LPGAT1: variants seen among roughly 807,000 people sequenced by gnomAD.
LPGAT1 encodes lysophosphatidylglycerol acyltransferase 1.
A neutral mutation model predicts 47.5 loss-of-function variants in LPGAT1; 11 were observed. That is an observed-to-expected ratio of 0.23 (90% confidence interval 0.15 to 0.38). The LOEUF (loss-of-function observed/expected upper bound fraction) is 0.38. Among genes scored for constraint, LPGAT1 ranks in the 10% least tolerant of loss-of-function variants. The pLI, the probability that LPGAT1 is intolerant of heterozygous loss-of-function variation, is 1.00. For synonymous variants in LPGAT1, 138 were observed against 144.2 expected (o/e 0.96, Z 0.31); for missense variants, 293 against 439.0 (o/e 0.67, Z 2.97).
intron 2 of LPGAT1, among the ~76,000 whole-genome samples, chr1:211,807,756 T>C (rs913541051): frequency 6.6e-6 from 1 of 152,122 alleles, no homozygotes; most frequent in Non-Finnish European, 1.5e-5. Flanking sequence ...ATCACAGAGA[T>C]GTATGTAAAA....
chr1:211,778,437 C>G lies in LPGAT1; in HGVS notation c.854+481G>C, dbSNP rs576682262. ...ATCAAGAAAGAACCATAAAAATGGG[C>G]AACCAGCAGCCCCCAGGGCTGTTCT... On this transcript the variant is annotated intron_variant, in intron 6 of 7. Coordinates refer to ENST00000366997, the MANE Select transcript of LPGAT1 (RefSeq NM_014873.3). 5.9e-4 allele frequency among the ~76,000 whole-genome samples: 89 copies of G among 151,798 alleles called. 1 individual carries two copies. The highest frequency in any genetic ancestry group is 2.0e-3 in the African/African-American group (82 of 41,386).
intron 2 of LPGAT1, among the ~76,000 whole-genome samples, chr1:211,811,593 C>T (rs1178490005): frequency 6.6e-6 from 1 of 152,128 alleles, no homozygotes; most frequent in African/African-American, 2.4e-5. Context: ...TCCGTCTCTA[C>T]AAAAAATACA....
At chr1:211,776,399 T>C (rs1658401554) in intron 6 of LPGAT1, among the ~76,000 whole-genome samples, 1 of 152,086 alleles carries the variant, frequency 6.6e-6, no homozygotes, top group Non-Finnish European at 1.5e-5. Flanking sequence ...TAGCCAGGCA[T>C]GGTGGTATGT....
At chr1:211,783,769 C>A (rs12126561) in intron 4 of LPGAT1, among the ~76,000 whole-genome samples, 6 of 152,080 alleles carry the variant, frequency 3.9e-5, no homozygotes, top group African/African-American at 1.4e-4. Flanking sequence ...TCAATTCAGT[C>A]ACTACTTACT....
In LPGAT1 at chr1:211,830,376, C is replaced by T; in HGVS notation, c.-28+197G>A. The stretch of plus-strand genomic sequence containing the variant: ...GGGACTCAGAGGCCGGACCTGTCAC[C>T]CGGGCGGGTCCCGGGGAGGCGGGCG... On this transcript the variant is annotated intron_variant, in intron 1 of 7. Transcript: ENST00000366997. This position sits in a 1 kb window ranked among gnomAD's most constrained non-coding sequence, Gnocchi z 5.9. The T allele has an allele frequency of 1.7e-6, 2 of 1,166,278 alleles. No individual in the cohort carries two copies. The highest frequency in any genetic ancestry group is 1.1e-6 in the Non-Finnish European group (1 of 946,102). 72.2% of individuals were successfully genotyped at this position (1,166,278 alleles called of 1,614,324 possible).
chr1:211,793,077 C>T lies in LPGAT1; in HGVS notation c.352G>A (p.Gly118Arg). ...CTLMMCLQDK[G>R]LVVAQMMWLM... Reference sequence around the variant, plus strand: ...CTGCCTTCAGGGTAGCTTACCAGTCCTTTGTCCTGGAGGCACATCATCAGT... The same window carrying T: ...CTGCCTTCAGGGTAGCTTACCAGTCTTTTGTCCTGGAGGCACATCATCAGT... The change falls in exon 3 of 8, where the codon GGA (glycine) becomes AGA (arginine). Residue 118 changes from glycine to arginine, a missense_variant. Transcript: ENST00000366997. 2 of 1,590,084 alleles carry T rather than the reference C, an allele frequency of 1.3e-6. No homozygotes were observed. The highest frequency in any genetic ancestry group is 8.6e-7 in the Non-Finnish European group (1 of 1,167,682).
intron 2 of LPGAT1, among the ~76,000 whole-genome samples, chr1:211,803,466 A>C (rs764949072): frequency 1.3e-5 from 2 of 152,204 alleles, no homozygotes; most frequent in Non-Finnish European, 2.9e-5. Flanking sequence ...CTTTCCAAAA[A>C]AGATGAAATT....
Position 211,749,573 on chromosome 1 carries a change from A to G in LPGAT1, c.*326T>C, listed in dbSNP as rs1657089360. On this transcript the variant is annotated 3_prime_UTR_variant, in exon 8 of 8. Transcript: ENST00000366997. Reference sequence around the variant, plus strand: ...CTGAGCTTCAACTAAATTGTCAAGTATAACTGGTGGCAACAGAATTTCTCT... The same window carrying G: ...CTGAGCTTCAACTAAATTGTCAAGTGTAACTGGTGGCAACAGAATTTCTCT... 1 of 286,164 alleles carries G rather than the reference A, an allele frequency of 3.5e-6. No homozygotes were observed. The highest frequency in any genetic ancestry group is 3.7e-5 in the South Asian group (1 of 27,208). The allele number at this position is 286,164 out of a possible 1,614,324, so 17.7% of individuals were successfully genotyped here.
rs61828493 is a variant in LPGAT1 at position 211,825,512 on chromosome 1, G to C, written c.238+3547C>G. ...TCATCACTTAAACTCCGGGGGGTGG[G>C]GTACTGATTTATCCTAGATCCAAAT... On this transcript the variant is annotated intron_variant, in intron 2 of 7. Coordinates refer to ENST00000366997, the MANE Select transcript of LPGAT1 (RefSeq NM_014873.3). Among the ~76,000 whole-genome samples, 621 of 151,948 alleles carry C rather than the reference G, an allele frequency of 4.1e-3. 2 individuals carry two copies. The highest frequency in any genetic ancestry group is 7.2e-3 in the Non-Finnish European group (490 of 67,956).
chr1:211,810,172 T>C (rs1659915865), intron 2 of LPGAT1, among the ~76,000 whole-genome samples: 1 of 152,134 alleles, frequency 6.6e-6, no homozygotes, highest in Non-Finnish European at 1.5e-5. Context: ...TTACACCACC[T>C]CCTGTTCACT....
At chr1:211,770,662 C>T (rs2102517254) in intron 6 of LPGAT1, among the ~76,000 whole-genome samples, 3 of 152,198 alleles carry the variant, frequency 2.0e-5, no homozygotes, top group Admixed American at 2.0e-4. Flanking sequence ...TTTAGTGTAG[C>T]CTATGTGTAC....
intron 6 of LPGAT1, among the ~76,000 whole-genome samples, chr1:211,769,172 A>T (rs528205445): frequency 1.3e-5 from 2 of 152,282 alleles, no homozygotes; most frequent in Non-Finnish European, 2.9e-5. Flanking sequence ...ACACACTAGG[A>T]GCTTATGTAG....
rs1315732724 is a variant in LPGAT1, at chr1:211,749,601, G to A, written c.*298C>T. ...ACTGGTGGCAACAGAATTTCTCTCA[G>A]ATAGTCTTCTAGGATGATTTTATGA... On this transcript the variant is annotated 3_prime_UTR_variant, in exon 8 of 8. Transcript: ENST00000366997. 6.4e-6 allele frequency: 2 copies of A among 312,704 alleles called. No homozygotes were observed. Among genetic ancestry groups the A allele is most frequent in the Non-Finnish European group, 1.2e-5 (2 of 169,912 alleles). 19.4% of individuals were successfully genotyped at this position (312,704 alleles called of 1,614,324 possible).
At chr1:211,750,878 T>C (rs1182960992) in intron 7 of LPGAT1, 83 bp downstream of exon 7, 2 of 993,612 alleles carry the variant, frequency 2.0e-6, no homozygotes, top group Non-Finnish European at 3.1e-6. Context: ...AGTTTCAAGA[T>C]CTAATATGCA....
chr1:211,765,112 T>C (rs1479700829), intron 6 of LPGAT1, among the ~76,000 whole-genome samples: 1 of 152,218 alleles, frequency 6.6e-6, no homozygotes, highest in Non-Finnish European at 1.5e-5. Flanking sequence ...AAATCTGACA[T>C]TGGTTTCTCT....
chr1:211,794,292 T>C (rs1659260410), intron 2 of LPGAT1, among the ~76,000 whole-genome samples: 1 of 152,192 alleles, frequency 6.6e-6, no homozygotes, highest in African/African-American at 2.4e-5. Flanking sequence ...CCTCATTTCA[T>C]TTTATATTTA....
intron 6 of LPGAT1, among the ~76,000 whole-genome samples, chr1:211,775,372 C>A (rs779826975): frequency 2.0e-4 from 30 of 152,138 alleles, no homozygotes; most frequent in Middle Eastern, 3.4e-3. Context: ...ATTATGCTAA[C>A]TATATTGTTT....
At chr1:211,787,567 C>A in intron 4 of LPGAT1, 65 bp downstream of exon 4, 2 of 818,232 alleles carry the variant, frequency 2.4e-6, no homozygotes, top group Non-Finnish European at 3.8e-6. Context: ...TGTTATACCT[C>A]TTTTTATAAT....
At chr1:211,760,379 T>C (rs1180180824) in intron 6 of LPGAT1, among the ~76,000 whole-genome samples, 2 of 152,200 alleles carry the variant, frequency 1.3e-5, no homozygotes, top group Non-Finnish European at 2.9e-5. Flanking sequence ...CACTTGAACC[T>C]GGGAGGCAGA....
Sources: gnomAD v4.1 joint callset for allele counts (sites outside exome capture counted in the v4.1 genomes callset) on GRCh38, gnomAD v4.1.1 for gene constraint, Gnocchi (gnomAD v3.1) non-coding constraint, MANE v1.5 for transcripts, NCBI Gene and HGNC (gene_info 2026-07-23, HGNC 2026-07-21) for gene names.